The following ASMT variants were observed in gnomAD, a reference collection of about 807,000 sequenced individuals.
ASMT encodes the protein acetylserotonin O-methyltransferase.
Under a neutral mutation model 41.3 loss-of-function variants are expected in ASMT, and 53 were observed. That is an observed-to-expected ratio of 1.28 (90% CI 1.03 to 1.61). The LOEUF (loss-of-function observed/expected upper bound fraction) is 1.61, where lower values mean the gene tolerates loss of function less well. Ranked by LOEUF, ASMT falls within the 40% of genes most tolerant of loss-of-function variation. ASMT has a pLI of 0.00. For missense variants in ASMT, 531 were observed against 441.3 expected, an observed-to-expected ratio of 1.20 and a Z score of -1.82; for synonymous variants, 231 against 184.8, an observed-to-expected ratio of 1.25 and a Z score of -2.03.
intron 8 of ASMT, among the ~76,000 whole-genome samples, chrX:1,642,300 G>C (rs1935215981): frequency 1.4e-5 from 2 of 147,774 alleles, no homozygotes; most frequent in Admixed American, 1.4e-4. Context: ...AGTGTCCTGT[G>C]AGGTCCATAC....
At chrX:1,636,093 C>T (rs1426430447) in intron 7 of ASMT, 24 of 356,598 alleles carry the variant, frequency 6.7e-5, no homozygotes, top group Admixed American at 1.5e-4. Flanking sequence ...GTAGCTGGGA[C>T]CACAGGCACC....
intron 4 of ASMT, chrX:1,628,014 T>G (rs758338529): frequency 1.7e-6 from 1 of 598,586 alleles, no homozygotes; most frequent in African/African-American, 1.9e-5. Flanking sequence ...ACAAACTCAG[T>G]GTTTATGTAG....
chrX:1,642,777 T>C, intron 8 of ASMT, 26 bp from the exon 9 acceptor site: 1 of 1,601,712 alleles, frequency 6.2e-7, no homozygotes, highest in Non-Finnish European at 8.6e-7. Context: ...TTGTGTGTGA[T>C]GTGGACTGTG....
intron 7 of ASMT, among the ~76,000 whole-genome samples, chrX:1,634,129 G>T (rs544238692): frequency 6.6e-6 from 1 of 152,160 alleles, no homozygotes. Flanking sequence ...CTACCTTCAG[G>T]TTCAATAATT....
chrX:1,637,131 TGCTTCACGAGGACGTG>T (rs1935017310), intron 8 of ASMT, among the ~76,000 whole-genome samples: 14 of 110,620 alleles, frequency 1.3e-4, no homozygotes, highest in Non-Finnish European at 2.1e-4. Flanking sequence ...CCCATCCTGA[TGCTTCACGAGGACGTG>T]GGCACAGCCT....
At chrX:1,618,352 C>T (rs1292595924) in intron 1 of ASMT, among the ~76,000 whole-genome samples, 5 of 151,924 alleles carry the variant, frequency 3.3e-5, no homozygotes, top group East Asian at 3.9e-4. Context: ...TTGGCAGAGA[C>T]GGGGTTTCAT....
chrX:1,636,074 G>A (rs1449692583), intron 7 of ASMT, among the ~76,000 whole-genome samples: 1 of 149,862 alleles, frequency 6.7e-6, no homozygotes, highest in Non-Finnish European at 1.5e-5. Flanking sequence ...TCCTGCCTCA[G>A]CCTCCCGAGT....
At chrX:1,627,058 C>T (rs1434844539) in intron 3 of ASMT, among the ~76,000 whole-genome samples, 4 of 149,362 alleles carry the variant, frequency 2.7e-5, no homozygotes, top group African/African-American at 9.8e-5. Context: ...GGTGCGGTGG[C>T]TCACGCCTGT....
intron 2 of ASMT, among the ~76,000 whole-genome samples, chrX:1,623,731 C>A (rs1335958277): frequency 1.3e-5 from 2 of 151,976 alleles, no homozygotes; most frequent in Non-Finnish European, 2.9e-5. Flanking sequence ...CCAGCCTGGG[C>A]CACGTATTTT....
At chrX:1,628,333 G>C (rs1467742056) in intron 4 of ASMT, among the ~76,000 whole-genome samples, 2 of 152,096 alleles carry the variant, frequency 1.3e-5, no homozygotes, top group Admixed American at 1.3e-4. Flanking sequence ...AAAAAGAAAA[G>C]AAAAGAATAT....
At chrX:1,635,570 A>G (rs1165684064) in intron 7 of ASMT, among the ~76,000 whole-genome samples, 2 of 152,044 alleles carry the variant, frequency 1.3e-5, no homozygotes, top group East Asian at 3.9e-4. Context: ...AGAAAGAAAG[A>G]AAGAACATGG....
At chrX:1,622,909 C>T (rs1487291244) in intron 1 of ASMT, among the ~76,000 whole-genome samples, 1 of 150,760 alleles carries the variant, frequency 6.6e-6, no homozygotes, top group Non-Finnish European at 1.5e-5. Flanking sequence ...GAGACTTCAA[C>T]TCAAAATAAA....
At chrX:1,629,669 C>G in intron 4 of ASMT, 152 bp from the exon 5 acceptor site, 1 of 808,254 alleles carries the variant, frequency 1.2e-6, no homozygotes, top group South Asian at 1.3e-5. Context: ...TTCCCCCATC[C>G]CGAATGACTT....
intron 2 of ASMT, 196 bp from the exon 3 acceptor site, chrX:1,624,072 GT>G: frequency 4.8e-6 from 1 of 207,762 alleles, no homozygotes; most frequent in Non-Finnish European, 8.4e-6. Context: ...CCCGACGGGG[GT>G]GCTAGCCGCC....
chrX:1,616,067 A>T lies in ASMT; in HGVS notation c.69+799A>T, dbSNP rs190975207. ...TTTTTGAGCTGGAGTCTCACTCTGTAACCCAGGCTGGAGTGCAGTGGCACG... is the reference window on the plus strand; with the variant it reads ...TTTTTGAGCTGGAGTCTCACTCTGTTACCCAGGCTGGAGTGCAGTGGCACG... On this transcript the variant is annotated intron_variant, in intron 1 of 8. Transcript: ENST00000381241. Among the ~76,000 whole-genome samples, 14 of 151,208 alleles carry T rather than the reference A, an allele frequency of 9.3e-5. No individual in the cohort carries two copies. The South Asian group carries it at 1.5e-3, about 16-fold the overall frequency.
intron 1 of ASMT, among the ~76,000 whole-genome samples, chrX:1,616,778 G>A (rs372340590): frequency 3.8e-4 from 58 of 151,124 alleles, no homozygotes; most frequent in African/African-American, 1.2e-3. Flanking sequence ...GCACGATCTC[G>A]GCTCACTGCA....
At chrX:1,626,070 T>G (rs1335821604) in intron 3 of ASMT, among the ~76,000 whole-genome samples, 4 of 151,944 alleles carry the variant, frequency 2.6e-5, no homozygotes, top group African/African-American at 9.7e-5. Flanking sequence ...AATAGACTGT[T>G]ACTGTTTCCT....
chrX:1,626,623 C>T (rs1190982832), intron 3 of ASMT, among the ~76,000 whole-genome samples: 1 of 152,150 alleles, frequency 6.6e-6, no homozygotes, highest in African/African-American at 2.4e-5. Context: ...TAAAACCCAT[C>T]TCACGAGACT....
chrX:1,625,594 AAGAG>A (rs1211478291), intron 3 of ASMT, among the ~76,000 whole-genome samples: 1 of 117,504 alleles, frequency 8.5e-6, no homozygotes, highest in African/African-American at 3.0e-5. Flanking sequence ...AATGGAAAGT[AAGAG>A]AAAGAAAGAG....
Sources: gnomAD v4.1 joint callset for allele counts (sites outside exome capture counted in the v4.1 genomes callset) on GRCh38, gnomAD v4.1.1 for gene constraint, MANE v1.5 for transcripts, NCBI Gene and HGNC (gene_info 2026-07-23, HGNC 2026-07-21) for gene names.